Variants in XRCC2 observed in about 807,000 individuals in gnomAD.
XRCC2 encodes the protein DNA repair protein XRCC2.
XRCC2 carries 24 observed loss-of-function variants against 27.3 expected under a neutral mutation model. The observed-to-expected ratio is 0.88, with a 90% CI of 0.64 to 1.24. The LOEUF (loss-of-function observed/expected upper bound fraction) is 1.24, where lower values mean the gene tolerates loss of function less well. Among genes scored for constraint, XRCC2 ranks in the 50% most tolerant of loss-of-function variants. The probability of loss-of-function intolerance (pLI) is 0.00; values close to 1 mark genes in which losing one functional copy is unlikely to be tolerated. For missense variants in XRCC2, 321 were observed against 325.8 expected (o/e 0.99, Z 0.11); for synonymous variants, 106 against 115.4 (o/e 0.92, Z 0.52).
rs2098026166 is a variant in XRCC2 at position 152,646,826 on chromosome 7, C to A, written c.*1816G>T. 6.6e-6 allele frequency: 1 copy of A among 152,116 alleles called. No individual in the cohort carries two copies. Among genetic ancestry groups the A allele is most frequent in the Non-Finnish European group, 1.5e-5 (1 of 68,026 alleles). The allele number at this position is 152,116 out of a possible 1,614,324, so 9.4% of individuals were successfully genotyped here. A position where few individuals can be genotyped will look rare whatever the true frequency, so the allele number is the denominator to read the frequency against. On this transcript the variant is annotated 3_prime_UTR_variant, in exon 3 of 3. Transcript: ENST00000359321. ...ATAGTATTCCCTGGTGTGTATGTAC[C>A]ACATTTTTTTAATCCAGTCTGTCAC...
At chr7:152,667,454 G>A (rs3218427) in intron 1 of XRCC2, among the ~76,000 whole-genome samples, 7,220 of 148,476 alleles carry the variant, frequency 0.049, 622 homozygotes, top group African/African-American at 0.17. Flanking sequence ...TTTTATTGAC[G>A]GGACTCTTTT....
At chr7:152,652,717 G>C (rs533858430) in intron 2 of XRCC2, among the ~76,000 whole-genome samples, 1 of 152,252 alleles carries the variant, frequency 6.6e-6, no homozygotes, top group Admixed American at 6.5e-5. Context: ...TGCTTCATCA[G>C]TTACCTTCTT....
intron 2 of XRCC2, among the ~76,000 whole-genome samples, chr7:152,655,268 GA>G (rs2098030246): frequency 6.6e-6 from 1 of 151,946 alleles, no homozygotes; most frequent in Admixed American, 6.6e-5. Context: ...GAAAAGAAAG[GA>G]AAAGCCAAAA....
At chr7:152,651,387 A>G (rs2098028458) in intron 2 of XRCC2, among the ~76,000 whole-genome samples, 2 of 150,954 alleles carry the variant, frequency 1.3e-5, no homozygotes, top group Non-Finnish European at 2.9e-5. Flanking sequence ...CAAGAGTTCA[A>G]TATCAGCCTG....
chr7:152,661,392 TAC>T (rs980642249), intron 1 of XRCC2, among the ~76,000 whole-genome samples: 2 of 152,214 alleles, frequency 1.3e-5, no homozygotes, highest in African/African-American at 4.8e-5. Context: ...CCACACTTGT[TAC>T]ACAGTTATCT....
chr7:152,665,737 C>T (rs1339203115), intron 1 of XRCC2, among the ~76,000 whole-genome samples: 3 of 152,088 alleles, frequency 2.0e-5, no homozygotes, highest in African/African-American at 4.8e-5. Flanking sequence ...CTGCCTTGGC[C>T]TCCCAAAGTG....
chr7:152,664,305 T>G (rs772666849), intron 1 of XRCC2, among the ~76,000 whole-genome samples: 1 of 152,188 alleles, frequency 6.6e-6, no homozygotes, highest in Non-Finnish European at 1.5e-5. Flanking sequence ...TAGTTAATTG[T>G]ATGTGTCAAC....
At chr7:152,655,928 C>T (rs2098030530) in intron 2 of XRCC2, among the ~76,000 whole-genome samples, 3 of 152,018 alleles carry the variant, frequency 2.0e-5, no homozygotes, top group Admixed American at 6.6e-5. Context: ...TGCAGTGAGC[C>T]GAGATCGAGC....
At chr7:152,663,664 C>T (rs2098034312) in intron 1 of XRCC2, among the ~76,000 whole-genome samples, 1 of 152,098 alleles carries the variant, frequency 6.6e-6, no homozygotes. Context: ...CATGGCGAAA[C>T]CCTGTCTCTA....
chr7:152,669,713 G>C (rs2098037377), intron 1 of XRCC2, among the ~76,000 whole-genome samples: 1 of 151,832 alleles, frequency 6.6e-6, no homozygotes, highest in Admixed American at 6.6e-5. Context: ...ACTTACCGGT[G>C]AACATTTCAT....
At chr7:152,662,565 A>ATTTTTT (rs11323323) in intron 1 of XRCC2, among the ~76,000 whole-genome samples, 18 of 67,766 alleles carry the variant, frequency 2.7e-4, no homozygotes, top group South Asian at 6.5e-4. Flanking sequence ...TTTTATTTGC[A>ATTTTTT]TTTTTTTTTT....
chr7:152,652,793 G>A (rs1590131207), intron 2 of XRCC2, among the ~76,000 whole-genome samples: 1 of 152,304 alleles, frequency 6.6e-6, no homozygotes, highest in Non-Finnish European at 1.5e-5. Flanking sequence ...AGGGTTAAGG[G>A]CCTAAAAGCC....
chr7:152,671,206 C>T (rs1035532395), intron 1 of XRCC2, among the ~76,000 whole-genome samples: 3 of 151,986 alleles, frequency 2.0e-5, no homozygotes, highest in Non-Finnish European at 2.9e-5. Context: ...CAGAGTAAGA[C>T]TGTCTCAAAA....
rs2116987648 is a variant in XRCC2, at chr7:152,648,971, T to C, written c.514A>G (p.Thr172Ala). The C allele has an allele frequency of 6.2e-7, 1 of 1,614,196 alleles. No individual in the cohort carries two copies. The highest frequency in any genetic ancestry group is 1.1e-5 in the South Asian group (1 of 91,086). The change falls in exon 3 of 3, where the codon ACT (threonine) becomes GCT (alanine). Residue 172 changes from threonine to alanine, a missense_variant. Transcript: ENST00000359321. ...AAGCACTGAGAACATTTCCTCAGAG[T>C]AGACTCCTGTAAGTTCACACTTTCT... ...GGESVNLQES[T>A]LRKCSQCLEK...
chr7:152,658,901 T>C (rs2098031857), intron 2 of XRCC2, among the ~76,000 whole-genome samples: 1 of 152,250 alleles, frequency 6.6e-6, no homozygotes, highest in Admixed American at 6.5e-5. Flanking sequence ...TTTTACCTCT[T>C]AGCTATTGTG....
At chr7:152,671,728 A>G (rs569223573) in intron 1 of XRCC2, among the ~76,000 whole-genome samples, 89 of 152,290 alleles carry the variant, frequency 5.8e-4, no homozygotes, top group African/African-American at 2.1e-3. Context: ...CCGGGTGCCC[A>G]TTTGAGAATG....
rs533367873 is a variant in XRCC2, at chr7:152,673,544, T to G, written c.39+2497A>C. Among the ~76,000 whole-genome samples the G allele has an allele frequency of 2.0e-5, 3 of 152,146 alleles. No homozygotes were observed. In the South Asian group the frequency reaches 6.2e-4, roughly 32 times the overall value. ...TTTCCTTGATACTCACAAGAAAGAT[T>G]AACTATTTTATTAGGTTCTAATTCT... On this transcript the variant is annotated intron_variant, in intron 1 of 2. Coordinates refer to ENST00000359321, the MANE Select transcript of XRCC2 (RefSeq NM_005431.2).
chr7:152,658,343 G>T (rs910299492), intron 2 of XRCC2, among the ~76,000 whole-genome samples: 1 of 151,942 alleles, frequency 6.6e-6, no homozygotes, highest in African/African-American at 2.4e-5. Context: ...GTAGAGACGG[G>T]GTTTCACCAT....
intron 2 of XRCC2, among the ~76,000 whole-genome samples, chr7:152,650,867 CAA>C (rs2098028217): frequency 6.6e-6 from 1 of 152,188 alleles, no homozygotes; most frequent in Admixed American, 6.5e-5. Context: ...GCCTGGGCGA[CAA>C]GAGCGAAACT....
Sources: gnomAD v4.1 joint callset for allele counts (sites outside exome capture counted in the v4.1 genomes callset) on GRCh38, gnomAD v4.1.1 for gene constraint, MANE v1.5 for transcripts, NCBI Gene and HGNC (gene_info 2026-07-23, HGNC 2026-07-21) for gene names.